The following SEMA3E variants were observed in gnomAD, a reference collection of about 807,000 sequenced individuals.
The protein encoded by SEMA3E is semaphorin 3E.
Under a neutral mutation model 93.6 loss-of-function variants are expected in SEMA3E, and 49 were observed. That is an observed-to-expected ratio of 0.52 (90% CI 0.42 to 0.66). SEMA3E has a LOEUF of 0.66. Ranked by LOEUF, SEMA3E falls within the 30% of genes least tolerant of loss-of-function variation. The pLI is 0.00. For synonymous variants in SEMA3E, 363 were observed against 330.7 expected, an observed-to-expected ratio of 1.10 and a Z score of -1.06; for missense variants, 906 against 964.8, an observed-to-expected ratio of 0.94 and a Z score of 0.81.
chr7:83,490,406 G>A, intron 1 of SEMA3E, 132 bp from the exon 2 acceptor site: 1 of 844,124 alleles, frequency 1.2e-6, no homozygotes, highest in Non-Finnish European at 1.9e-6. Flanking sequence ...TACATATACT[G>A]GCAAAGAATT....
chr7:83,553,594 G>A (rs1470508842), intron 1 of SEMA3E, among the ~76,000 whole-genome samples: 4 of 152,028 alleles, frequency 2.6e-5, no homozygotes. Flanking sequence ...ATACATGCTT[G>A]TTGAATATAT....
chr7:83,485,605 A>G (rs1412713669), intron 2 of SEMA3E, among the ~76,000 whole-genome samples: 1 of 152,204 alleles, frequency 6.6e-6, no homozygotes, highest in Non-Finnish European at 1.5e-5. Context: ...TGATTTTTAC[A>G]TAGCCCAAAA....
chr7:83,422,564 T>C (rs1788686840), intron 4 of SEMA3E, among the ~76,000 whole-genome samples: 1 of 152,188 alleles, frequency 6.6e-6, no homozygotes, highest in Non-Finnish European at 1.5e-5. Context: ...ACAATATAGA[T>C]AGTAGATCAG....
At position 83,649,072 on chromosome 7, in the gene SEMA3E, G is replaced by GGGA. The variant is rs1794120791; in HGVS notation, c.-531_-530insTCC. The GGGA allele has an allele frequency of 6.2e-6, 1 of 161,452 alleles. No individual in the cohort carries two copies. The highest frequency in any genetic ancestry group is 1.4e-5 in the Non-Finnish European group (1 of 73,154). The allele number at this position is 161,452 out of a possible 1,614,324, so 10.0% of individuals were successfully genotyped here. On this transcript the variant is annotated 5_prime_UTR_variant, in exon 1 of 17. Transcript: ENST00000643230. The stretch of plus-strand genomic sequence containing the variant: ...ACAAGAAGTGCCATTCCCTCTAGGA[G>GGGA]TCGCAGGATCCACCCAGCAGGGATG...
chr7:83,537,514 A>G (rs1022688548), intron 1 of SEMA3E, among the ~76,000 whole-genome samples: 1 of 152,090 alleles, frequency 6.6e-6, no homozygotes, highest in Non-Finnish European at 1.5e-5. Flanking sequence ...GCATGCTTTT[A>G]TACATTCTAT....
intron 1 of SEMA3E, among the ~76,000 whole-genome samples, chr7:83,578,733 T>C (rs1438276923): frequency 6.6e-6 from 1 of 152,088 alleles, no homozygotes; most frequent in Non-Finnish European, 1.5e-5. Context: ...ACAAACTCCC[T>C]CTCTTAGTAG....
intron 1 of SEMA3E, among the ~76,000 whole-genome samples, chr7:83,569,695 C>T (rs1306317071): frequency 6.6e-6 from 1 of 152,294 alleles, no homozygotes; most frequent in Non-Finnish European, 1.5e-5. Context: ...CTCTTCTAAA[C>T]GTATATCCAC....
chr7:83,636,815 A>G (rs2056532024), intron 1 of SEMA3E, among the ~76,000 whole-genome samples: 1 of 152,148 alleles, frequency 6.6e-6, no homozygotes, highest in Non-Finnish European at 1.5e-5. Context: ...AAGGTATGAC[A>G]TAGCTAATTT....
rs748082408 is a variant in SEMA3E, at chr7:83,648,882, GAAAAAAAA to G, written c.-348_-341del. 1.2e-5 allele frequency: 1 copy of G among 86,618 alleles called. No homozygotes were observed. Among genetic ancestry groups the G allele is most frequent in the African/African-American group, 3.7e-5 (1 of 27,096 alleles). The allele number at this position is 86,618 out of a possible 1,614,324, so 5.4% of individuals were successfully genotyped here. A position where few individuals can be genotyped will look rare whatever the true frequency, so the allele number is the denominator to read the frequency against. ...TCACTTGGGCAAAGCTGTTCATTCA[GAAAAAAAA>G]AAAAAAAAGAGAGAAAAAAACAAAA... On this transcript the variant is annotated 5_prime_UTR_variant, in exon 1 of 17. Coordinates refer to ENST00000643230, the MANE Select transcript of SEMA3E (RefSeq NM_012431.3).
intron 4 of SEMA3E, among the ~76,000 whole-genome samples, chr7:83,420,743 A>G (rs183424391): frequency 6.6e-6 from 1 of 152,184 alleles, no homozygotes; most frequent in Non-Finnish European, 1.5e-5. Flanking sequence ...CTATTCAATA[A>G]TTGGCACTGG....
At chr7:83,384,520 G>A (rs906298474) in intron 16 of SEMA3E, among the ~76,000 whole-genome samples, 1 of 150,460 alleles carries the variant, frequency 6.6e-6, no homozygotes, top group African/African-American at 2.4e-5. Context: ...TGCTATCTTT[G>A]TAATTCCACT....
intron 1 of SEMA3E, among the ~76,000 whole-genome samples, chr7:83,562,135 A>G (rs924818680): frequency 1.3e-5 from 2 of 152,196 alleles, no homozygotes; most frequent in Non-Finnish European, 2.9e-5. Flanking sequence ...GAAACATTTG[A>G]AAAGGATTTC....
chr7:83,414,781 G>T (rs1788508639), intron 5 of SEMA3E, among the ~76,000 whole-genome samples: 1 of 151,792 alleles, frequency 6.6e-6, no homozygotes, highest in Non-Finnish European at 1.5e-5. Context: ...GACAAATCAG[G>T]GTGTTTTTTT....
chr7:83,443,595 T>A (rs564972296), intron 4 of SEMA3E, among the ~76,000 whole-genome samples: 2 of 152,278 alleles, frequency 1.3e-5, no homozygotes, highest in African/African-American at 4.8e-5. Context: ...ATTTAAATTA[T>A]GATTTATAAA....
chr7:83,449,307 C>T (rs1023710226), intron 4 of SEMA3E, among the ~76,000 whole-genome samples: 2 of 151,944 alleles, frequency 1.3e-5, no homozygotes, highest in Non-Finnish European at 2.9e-5. Context: ...ACCATGTTGT[C>T]CAGGCTGGTC....
chr7:83,589,580 C>T (rs1280603874), intron 1 of SEMA3E, among the ~76,000 whole-genome samples: 1 of 151,916 alleles, frequency 6.6e-6, no homozygotes, highest in African/African-American at 2.4e-5. Context: ...AACTTTACAT[C>T]GTTTGTGAGC....
rs570763745 is a variant in SEMA3E, at chr7:83,394,902, A to T, written c.1459-564T>A. On this transcript the variant is annotated intron_variant, in intron 12 of 16. Transcript: ENST00000643230. ...GACAATTTATACCATAGCTTTGGGA[A>T]CCAACATGTTGTTTTTGGATTGTTA... Among the ~76,000 whole-genome samples, 10 of 152,240 alleles carry T rather than the reference A, an allele frequency of 6.6e-5. No individual in the cohort carries two copies. The South Asian group carries it at 1.7e-3, about 25-fold the overall frequency.
chr7:83,513,652 T>C (rs1295327795), intron 1 of SEMA3E, among the ~76,000 whole-genome samples: 2 of 152,190 alleles, frequency 1.3e-5, no homozygotes, highest in Non-Finnish European at 1.5e-5. Flanking sequence ...TACAAACATA[T>C]GCACATGCAC....
chr7:83,547,756 C>G (rs1791681108), intron 1 of SEMA3E, among the ~76,000 whole-genome samples: 1 of 152,070 alleles, frequency 6.6e-6, no homozygotes. Context: ...CAGGCCAAGG[C>G]AAATTTTCTT....
Sources: gnomAD v4.1 joint callset for allele counts (sites outside exome capture counted in the v4.1 genomes callset) on GRCh38, gnomAD v4.1.1 for gene constraint, MANE v1.5 for transcripts, NCBI Gene and HGNC (gene_info 2026-07-23, HGNC 2026-07-21) for gene names.